COBL: variants seen among roughly 807,000 people sequenced by gnomAD.
The protein encoded by COBL is cordon-bleu WH2 repeat protein.
A neutral mutation model predicts 98.8 loss-of-function variants in COBL; 51 were observed. That is an observed-to-expected ratio of 0.52 (90% CI 0.41 to 0.65). The LOEUF is 0.65. COBL is among the 30% of genes least tolerant of loss of function. The probability of loss-of-function intolerance (pLI) is 0.00; values close to 1 mark genes in which losing one functional copy is unlikely to be tolerated. For synonymous variants in COBL, 634 were observed against 651.7 expected (o/e 0.97, Z 0.41); for missense variants, 1,617 against 1,617.5 (o/e 1.00, Z 0.01).
chr7:51,201,990 T>C (rs1428114378), intron 2 of COBL, among the ~76,000 whole-genome samples: 1 of 152,202 alleles, frequency 6.6e-6, no homozygotes, highest in African/African-American at 2.4e-5. Flanking sequence ...TTGTCCAATG[T>C]ATTCACACTG....
intron 7 of COBL, chr7:51,064,414 A>T (rs1791691484): frequency 6.6e-6 from 1 of 152,090 alleles, no homozygotes; most frequent in Non-Finnish European, 1.5e-5. Context: ...ATACCTGTGC[A>T]GCATCATTCA....
At chr7:51,050,062 C>T (rs2128895817) in intron 7 of COBL, among the ~76,000 whole-genome samples, 1 of 152,310 alleles carries the variant, frequency 6.6e-6, no homozygotes, top group African/African-American at 2.4e-5. Context: ...TCAAAAATCC[C>T]ATAGACCTGG....
intron 7 of COBL, among the ~76,000 whole-genome samples, chr7:51,045,328 AT>A (rs1789589063): frequency 1.3e-5 from 2 of 152,214 alleles, no homozygotes; most frequent in Non-Finnish European, 2.9e-5. Flanking sequence ...GGGTGCCTGA[AT>A]GTGAACGGCC....
chr7:51,105,025 G>A lies in COBL; in HGVS notation c.958-19721C>T, dbSNP rs116545340. 5.6e-3 allele frequency among the ~76,000 whole-genome samples: 857 copies of A among 152,016 alleles called. 6 individuals carry two copies. The highest frequency in any genetic ancestry group is 0.019 in the African/African-American group (796 of 41,454). On this transcript the variant is annotated intron_variant, in intron 6 of 12. Transcript: ENST00000265136. The stretch of plus-strand genomic sequence containing the variant: ...TCGAAACTTAAGCAGGGAAGGGGAC[G>A]GGGTATAACCTTAAAGGAAGGTAAT...
intron 2 of COBL, among the ~76,000 whole-genome samples, chr7:51,199,477 A>G (rs1790917994): frequency 6.6e-6 from 1 of 152,208 alleles, no homozygotes; most frequent in Admixed American, 6.5e-5. Context: ...CAACCCCAGA[A>G]AAGTGGAGAT....
rs552553172 is a variant in COBL, at chr7:51,118,623, G to A, written c.957+17535C>T. On this transcript the variant is annotated intron_variant, in intron 6 of 12. Coordinates refer to ENST00000265136, the MANE Select transcript of COBL (RefSeq NM_015198.5). ...CTCATACAAGGATGTGAATCACTGGGGGGGAGAGGGGGAGGGGTGTCACAT... is the reference window on the plus strand; with the variant it reads ...CTCATACAAGGATGTGAATCACTGGAGGGGAGAGGGGGAGGGGTGTCACAT... Among the ~76,000 whole-genome samples, 13 of 152,028 alleles carry A rather than the reference G, an allele frequency of 8.6e-5. 1 individual carries two copies. Among genetic ancestry groups the A allele is most frequent in the Admixed American group, 5.2e-4 (8 of 15,276 alleles).
At chr7:51,217,271 A>G (rs949695351) in intron 2 of COBL, among the ~76,000 whole-genome samples, 2 of 151,634 alleles carry the variant, frequency 1.3e-5, no homozygotes, top group Admixed American at 6.6e-5. Context: ...TTCCTTGTGC[A>G]TTTGTAAAAC....
intron 6 of COBL, among the ~76,000 whole-genome samples, chr7:51,107,092 G>GTT (rs1160414563): frequency 3.2e-3 from 205 of 63,356 alleles, no homozygotes; most frequent in Non-Finnish European, 4.6e-3. Flanking sequence ...TAGTTTGTTT[G>GTT]TTTTTTTTTT....
chr7:51,052,743 C>T (rs932467604), intron 7 of COBL, among the ~76,000 whole-genome samples: 1 of 152,192 alleles, frequency 6.6e-6, no homozygotes, highest in East Asian at 1.9e-4. Context: ...AAAGGTGAGG[C>T]AGCCACCATC....
intron 7 of COBL, among the ~76,000 whole-genome samples, chr7:51,059,817 A>G (rs986341700): frequency 6.6e-6 from 1 of 152,136 alleles, no homozygotes; most frequent in African/African-American, 2.4e-5. Context: ...TCTATGTGCT[A>G]TTCTCTAGTC....
chr7:51,305,000 G>A (rs1479522536), intron 1 of COBL, among the ~76,000 whole-genome samples: 1 of 152,044 alleles, frequency 6.6e-6, no homozygotes, highest in Non-Finnish European at 1.5e-5. Context: ...GCTCCCCAGA[G>A]CATAGCCCCC....
At chr7:51,036,972 A>C (rs1488341607) in intron 8 of COBL, among the ~76,000 whole-genome samples, 3 of 152,172 alleles carry the variant, frequency 2.0e-5, no homozygotes, top group Non-Finnish European at 4.4e-5. Context: ...TTCAGAATTC[A>C]AGAGTTTATA....
At chr7:51,285,353 C>CA (rs922811326) in intron 1 of COBL, among the ~76,000 whole-genome samples, 1 of 150,016 alleles carries the variant, frequency 6.7e-6, no homozygotes, top group Non-Finnish European at 1.5e-5. Context: ...TCTAGACATA[C>CA]ATAGCAAATC....
At chr7:51,244,086 T>C (rs1038394871) in intron 1 of COBL, among the ~76,000 whole-genome samples, 1 of 152,178 alleles carries the variant, frequency 6.6e-6, no homozygotes, top group African/African-American at 2.4e-5. Flanking sequence ...GCCCACGCCC[T>C]CCTCTCCAGC....
At chr7:51,088,598 C>T (rs928258714) in intron 6 of COBL, among the ~76,000 whole-genome samples, 1 of 152,172 alleles carries the variant, frequency 6.6e-6, no homozygotes, top group Admixed American at 6.5e-5. Context: ...TTTCCTCCAG[C>T]ATCCTTTCTG....
chr7:51,081,339 T>C (rs1793648862), intron 7 of COBL, among the ~76,000 whole-genome samples: 1 of 152,152 alleles, frequency 6.6e-6, no homozygotes. Context: ...GGGAATGAAC[T>C]GGTATGGAGT....
chr7:51,156,085 C>T (rs536208102), intron 5 of COBL, among the ~76,000 whole-genome samples: 3 of 152,054 alleles, frequency 2.0e-5, no homozygotes, highest in Non-Finnish European at 2.9e-5. Flanking sequence ...ATCATCCAGA[C>T]GACATAGAAC....
At chr7:51,251,881 C>A (rs1178586071) in intron 1 of COBL, among the ~76,000 whole-genome samples, 1 of 152,136 alleles carries the variant, frequency 6.6e-6, no homozygotes, top group Non-Finnish European at 1.5e-5. Flanking sequence ...CACACACAAC[C>A]ATTTTTGCTT....
At chr7:51,286,162 T>G (rs2129181992) in intron 1 of COBL, among the ~76,000 whole-genome samples, 1 of 151,114 alleles carries the variant, frequency 6.6e-6, no homozygotes, top group Non-Finnish European at 1.5e-5. Flanking sequence ...AGAAGAAACA[T>G]CCAAGAAAAT....
Sources: allele counts gnomAD v4.1 joint callset (sites outside exome capture counted in the v4.1 genomes callset), GRCh38; gene constraint gnomAD v4.1.1; transcripts MANE v1.5; gene names NCBI Gene and HGNC (gene_info 2026-07-23, HGNC 2026-07-21).